Variants in CSMD1 observed in about 807,000 individuals in gnomAD.
The protein encoded by CSMD1 is CUB and sushi domain-containing protein 1.
In CSMD1, 213 loss-of-function variants were observed where a neutral mutation model predicts 417.5. That is an observed-to-expected ratio of 0.51 (90% CI 0.46 to 0.57). CSMD1 has a LOEUF of 0.57. CSMD1 is among the 20% of genes least tolerant of loss of function. The pLI is 0.00. For missense variants in CSMD1, 6,923 were observed against 4,529.7 expected (o/e 1.53, Z -15.17); for synonymous variants, 2,862 against 1,736.8 (o/e 1.65, Z -16.11).
chr8:4,446,800 T>G (rs1030788978), intron 2 of CSMD1, among the ~76,000 whole-genome samples: 2 of 149,364 alleles, frequency 1.3e-5, no homozygotes, highest in Non-Finnish European at 3.0e-5. Context: ...TGTGTGTATT[T>G]TTAGTAGAGC....
chr8:3,408,149 G>A lies in CSMD1; in HGVS notation c.1821C>T (p.Asn607=), dbSNP rs375948878. The A allele has an allele frequency of 6.2e-6, 10 of 1,613,278 alleles. No individual in the cohort carries two copies. The highest frequency in any genetic ancestry group is 8.5e-6 in the Non-Finnish European group (10 of 1,179,586). ...SPNYPEEYGN[N]MNCVWLIISE... ...AGATAATCAACCAGACACAGTTCAT[G>A]TTGTTCCCATATTCCTCTGGATAAT... The change falls in exon 14 of 70, where the codon AAC becomes AAT. Residue 607 remains asparagine, a synonymous_variant. Transcript: ENST00000635120.
intron 2 of CSMD1, among the ~76,000 whole-genome samples, chr8:4,488,975 G>C (rs1048539406): frequency 6.6e-6 from 1 of 152,130 alleles, no homozygotes; most frequent in Admixed American, 6.5e-5. Context: ...GCAGTGGCGC[G>C]ATCTTGGCTC....
At chr8:3,984,718 T>TC (rs1461433667) in intron 5 of CSMD1, among the ~76,000 whole-genome samples, 5 of 50,658 alleles carry the variant, frequency 9.9e-5, no homozygotes, top group African/African-American at 1.7e-4. Flanking sequence ...TATATATATA[T>TC]ATATATATAT....
At chr8:3,954,108 C>G (rs868523652) in intron 5 of CSMD1, among the ~76,000 whole-genome samples, 2,521 of 152,208 alleles carry the variant, frequency 0.017, 76 homozygotes, top group African/African-American at 0.058. Flanking sequence ...GGAACGTGGC[C>G]AGTGGGAGAG....
At position 3,481,474 on chromosome 8, in the gene CSMD1, T is replaced by A. The variant is rs200038228; in HGVS notation, c.1448+12149A>T. 2.6e-5 allele frequency among the ~76,000 whole-genome samples: 4 copies of A among 152,300 alleles called. No individual in the cohort carries two copies. In the East Asian group the frequency reaches 7.7e-4, roughly 29 times the overall value. On this transcript the variant is annotated intron_variant, in intron 11 of 69. Transcript: ENST00000635120. ...GTTTCCATACTTCAGGTGGTAAATGTTCGCATTAGTTGTAGTAAGATAAAT... is the reference window on the plus strand; with the variant it reads ...GTTTCCATACTTCAGGTGGTAAATGATCGCATTAGTTGTAGTAAGATAAAT...
chr8:3,920,144 C>G (rs1161076340), intron 5 of CSMD1, among the ~76,000 whole-genome samples: 2 of 152,044 alleles, frequency 1.3e-5, no homozygotes, highest in Non-Finnish European at 2.9e-5. Context: ...GGTGATCTTC[C>G]TGCCTTAGTC....
chr8:4,348,436 A>G (rs1031429683), intron 3 of CSMD1, among the ~76,000 whole-genome samples: 1 of 152,132 alleles, frequency 6.6e-6, no homozygotes, highest in Non-Finnish European at 1.5e-5. Flanking sequence ...AAAAATCAGA[A>G]TATTAGGCCT....
At chr8:4,289,076 A>G (rs1391109975) in intron 3 of CSMD1, among the ~76,000 whole-genome samples, 3 of 152,202 alleles carry the variant, frequency 2.0e-5, no homozygotes, top group Non-Finnish European at 4.4e-5. Flanking sequence ...GGATGAAAAT[A>G]AAATTATATT....
intron 37 of CSMD1, among the ~76,000 whole-genome samples, chr8:3,166,710 T>C (rs1046333338): frequency 1.3e-5 from 2 of 152,050 alleles, no homozygotes; most frequent in African/African-American, 4.8e-5. Context: ...TTTATAAGTA[T>C]TTATATAGAC....
chr8:3,531,307 A>G (rs933917795), intron 10 of CSMD1, among the ~76,000 whole-genome samples: 1 of 152,178 alleles, frequency 6.6e-6, no homozygotes, highest in South Asian at 2.1e-4. Context: ...TGTGAGTACT[A>G]GTAATCAAAA....
intron 68 of CSMD1, among the ~76,000 whole-genome samples, chr8:2,945,284 G>A (rs1345622038): frequency 6.6e-6 from 1 of 152,060 alleles, no homozygotes; most frequent in Non-Finnish European, 1.5e-5. Flanking sequence ...AATATTATTT[G>A]CATTTTGCTT....
chr8:4,625,214 G>A (rs1039462401), intron 2 of CSMD1, among the ~76,000 whole-genome samples: 11 of 151,976 alleles, frequency 7.2e-5, no homozygotes, highest in African/African-American at 1.2e-4. Flanking sequence ...TACACAGCAC[G>A]TTCTCACCTT....
chr8:4,097,496 C>T (rs1801079669), intron 3 of CSMD1, among the ~76,000 whole-genome samples: 1 of 152,138 alleles, frequency 6.6e-6, no homozygotes, highest in Non-Finnish European at 1.5e-5. Flanking sequence ...GATTTAGATT[C>T]CCTTTGAATG....
intron 7 of CSMD1, among the ~76,000 whole-genome samples, chr8:3,688,641 A>G (rs1467742317): frequency 3.3e-5 from 5 of 152,236 alleles, no homozygotes; most frequent in African/African-American, 1.2e-4. Context: ...TACAAATTCT[A>G]GATTTTTCAG....
intron 3 of CSMD1, among the ~76,000 whole-genome samples, chr8:4,334,545 C>T (rs1445493505): frequency 6.6e-6 from 1 of 152,080 alleles, no homozygotes; most frequent in Non-Finnish European, 1.5e-5. Flanking sequence ...TAAAACTCTC[C>T]AGATAGTATG....
intron 3 of CSMD1, among the ~76,000 whole-genome samples, chr8:4,220,604 G>C (rs114402614): frequency 1.3e-5 from 2 of 152,234 alleles, no homozygotes; most frequent in Non-Finnish European, 2.9e-5. Flanking sequence ...AAGGGTCCAT[G>C]TGAGAGGAAG....
chr8:3,406,304 G>A lies in CSMD1; in HGVS notation c.2072-83C>T, dbSNP rs1438959411. The A allele has an allele frequency of 7.3e-6, 8 of 1,091,250 alleles. No homozygotes were observed. In the South Asian group the frequency reaches 8.4e-5, roughly 11 times the overall value. The allele number at this position is 1,091,250 out of a possible 1,614,324, so 67.6% of individuals were successfully genotyped here. A position where few individuals can be genotyped will look rare whatever the true frequency, so the allele number is the denominator to read the frequency against. Reference sequence around the variant, plus strand: ...ATTAAAAAAGAAGAAAACAGAACAAGCTTATAAAGCATTCATATAATGTAT... The same window carrying A: ...ATTAAAAAAGAAGAAAACAGAACAAACTTATAAAGCATTCATATAATGTAT... On this transcript the variant is annotated intron_variant, in intron 14 of 69. Coordinates refer to ENST00000635120, the MANE Select transcript of CSMD1 (RefSeq NM_033225.6).
At chr8:3,758,547 G>C (rs1043969304) in intron 5 of CSMD1, among the ~76,000 whole-genome samples, 7 of 152,130 alleles carry the variant, frequency 4.6e-5, no homozygotes, top group African/African-American at 1.4e-4. Flanking sequence ...CTGACACAAA[G>C]TTGATGCTAT....
chr8:4,164,200 G>GA (rs200027116), intron 3 of CSMD1, among the ~76,000 whole-genome samples: 32,799 of 124,388 alleles, frequency 0.26, 3,611 homozygotes, highest in East Asian at 0.4. Flanking sequence ...ATTTTTGGAA[G>GA]AAAAAAAAAT....
Sources: gnomAD v4.1 joint callset for allele counts (sites outside exome capture counted in the v4.1 genomes callset) on GRCh38, gnomAD v4.1.1 for gene constraint, MANE v1.5 for transcripts, NCBI Gene and HGNC (gene_info 2026-07-23, HGNC 2026-07-21) for gene names.